INTS10: variants seen among roughly 807,000 people sequenced by gnomAD.
INTS10 encodes the protein integrator complex subunit 10, also known as chromosome 8 open reading frame 35.
Under a neutral mutation model 94.4 loss-of-function variants are expected in INTS10, and 44 were observed. That is an observed-to-expected ratio of 0.47 (90% CI 0.37 to 0.60). The LOEUF (loss-of-function observed/expected upper bound fraction) is 0.60. Among genes scored for constraint, INTS10 ranks in the 20% least tolerant of loss-of-function variants. The pLI is 0.00. For synonymous variants in INTS10, 341 were observed against 320.7 expected, an observed-to-expected ratio of 1.06 and a Z score of -0.68; for missense variants, 797 against 868.7, an observed-to-expected ratio of 0.92 and a Z score of 1.04.
chr8:19,841,999 C>A (rs753852854), intron 13 of INTS10: 2 of 258,268 alleles, frequency 7.7e-6, no homozygotes, highest in Non-Finnish European at 7.8e-6. Flanking sequence ...ATATTTATTT[C>A]TTGCTATCTT....
At chr8:19,848,690 C>G (rs2068773694) in intron 16 of INTS10, 1 of 152,200 alleles carries the variant, frequency 6.6e-6, no homozygotes, top group Admixed American at 6.5e-5. Flanking sequence ...ACCATTTAGT[C>G]CTCTTGGAAG....
In INTS10 at chr8:19,844,725, A is replaced by G. The variant is rs1240331164; in HGVS notation, c.1882+487A>G. Among the ~76,000 whole-genome samples the G allele has an allele frequency of 2.6e-5, 4 of 152,176 alleles. No homozygotes were observed. In the East Asian group the frequency reaches 7.7e-4, roughly 29 times the overall value. On this transcript the variant is annotated intron_variant, in intron 15 of 16. Transcript: ENST00000397977. ...CTGCACAGCACAGTAGCTGCTTCTGACATTAGGTAATGCTGTATTTCACAC... is the reference window on the plus strand; with the variant it reads ...CTGCACAGCACAGTAGCTGCTTCTGGCATTAGGTAATGCTGTATTTCACAC...
chr8:19,841,084 T>C (rs949409650), intron 13 of INTS10, among the ~76,000 whole-genome samples: 1 of 152,132 alleles, frequency 6.6e-6, no homozygotes, highest in South Asian at 2.1e-4. Flanking sequence ...TGGAACAGCA[T>C]AGAAAACTGA....
Position 19,817,525 on chromosome 8 carries a change from G to A in INTS10, c.-13G>A. The A allele has an allele frequency of 6.2e-7, 1 of 1,603,208 alleles. No homozygotes were observed. The highest frequency in any genetic ancestry group is 8.5e-7 in the Non-Finnish European group (1 of 1,176,334). ...CGGCCGCTTCGGGCTGGCGGCTGGAGAGCGCTCGGGTCATGTCTGCCCAGG... is the reference window on the plus strand; with the variant it reads ...CGGCCGCTTCGGGCTGGCGGCTGGAAAGCGCTCGGGTCATGTCTGCCCAGG... On this transcript the variant is annotated 5_prime_UTR_variant, in exon 1 of 17. Coordinates refer to ENST00000397977, the MANE Select transcript of INTS10 (RefSeq NM_018142.4).
intron 9 of INTS10, among the ~76,000 whole-genome samples, chr8:19,828,650 A>T (rs1033031829): frequency 1.3e-5 from 2 of 151,872 alleles, no homozygotes; most frequent in African/African-American, 4.8e-5. Context: ...GTGTTCGTGT[A>T]TGATATTAGG....
chr8:19,829,824 A>G (rs1209219610), intron 9 of INTS10, among the ~76,000 whole-genome samples: 1 of 152,064 alleles, frequency 6.6e-6, no homozygotes, highest in Non-Finnish European at 1.5e-5. Context: ...ACGTGCCACC[A>G]TGCCCGGCTG....
Position 19,817,485 on chromosome 8 carries a change from C to T in INTS10, c.-53C>T. ...GTGGCTGCCGTGGCGGCTGAGAGTCCAGAGCCGGACGTTCCGGCCGCTTCG... is the reference window on the plus strand; with the variant it reads ...GTGGCTGCCGTGGCGGCTGAGAGTCTAGAGCCGGACGTTCCGGCCGCTTCG... On this transcript the variant is annotated 5_prime_UTR_variant, in exon 1 of 17. Transcript: ENST00000397977. 2 of 1,577,448 alleles carry T rather than the reference C, an allele frequency of 1.3e-6. No individual in the cohort carries two copies. The highest frequency in any genetic ancestry group is 1.7e-6 in the Non-Finnish European group (2 of 1,164,982).
intron 7 of INTS10, 109 bp from the exon 8 acceptor site, chr8:19,824,694 C>G: frequency 1.5e-6 from 1 of 677,200 alleles, no homozygotes; most frequent in Non-Finnish European, 2.4e-6. Flanking sequence ...GTTTTACATG[C>G]CTAGGGCAAC....
At chr8:19,845,609 A>C (rs2068511019) in intron 15 of INTS10, 95 bp from the exon 16 acceptor site, 1 of 814,332 alleles carries the variant, frequency 1.2e-6, no homozygotes. Context: ...GTGGGATGGC[A>C]ATGGGCAAGT....
intron 3 of INTS10, 64 bp downstream of exon 3, chr8:19,819,740 C>A (rs1477610201): frequency 3.1e-6 from 4 of 1,278,142 alleles, no homozygotes; most frequent in African/African-American, 3.0e-5. Flanking sequence ...TAATTTCACA[C>A]ACAAAAAAGT....
At chr8:19,844,044 CCTTCTGT>C (rs1351584191) in intron 14 of INTS10, 25 bp from the exon 15 acceptor site, 5 of 1,530,764 alleles carry the variant, frequency 3.3e-6, no homozygotes, top group Non-Finnish European at 4.4e-6. Context: ...ACTTCCTTTT[CCTTCTGT>C]CTTGTATAAA....
At chr8:19,842,472 T>C (rs1213508274) in intron 13 of INTS10, among the ~76,000 whole-genome samples, 3 of 152,232 alleles carry the variant, frequency 2.0e-5, no homozygotes, top group Non-Finnish European at 4.4e-5. Context: ...GGATACACAA[T>C]AGGCTTTAAC....
chr8:19,823,919 T>G lies in INTS10; in HGVS notation c.711T>G (p.Ser237=), dbSNP rs1349883539. 6.2e-7 allele frequency: 1 copy of G among 1,613,142 alleles called. No individual in the cohort carries two copies. Among genetic ancestry groups the G allele is most frequent in the South Asian group, 1.1e-5 (1 of 90,820 alleles). Residue 237 remains serine (S), a synonymous_variant, in exon 7 of 17, where the codon TCT becomes TCG. Transcript: ENST00000397977. The part of the protein sequence containing the change: ...SDLMSPSKRS[S]QKYIIEGLTE... ...TAATGTCACCTAGCAAACGTAGCTC[T>G]CAGAAGTACATAATAGAAGGGCTGA...
intron 12 of INTS10, among the ~76,000 whole-genome samples, chr8:19,834,323 T>C (rs183741825): frequency 1.3e-5 from 2 of 152,336 alleles, no homozygotes; most frequent in Admixed American, 6.5e-5. Flanking sequence ...CTTTGAAATA[T>C]GATTACTAAT....
chr8:19,825,075 TG>T, intron 8 of INTS10, 103 bp downstream of exon 8: 1 of 998,514 alleles, frequency 1.0e-6, no homozygotes. Flanking sequence ...CGAATAACTG[TG>T]GGGCAGTACC....
intron 10 of INTS10, among the ~76,000 whole-genome samples, chr8:19,831,686 CTAAAAA>C (rs949039049): frequency 5.9e-5 from 9 of 151,918 alleles, no homozygotes; most frequent in Admixed American, 2.0e-4. Context: ...GAGAATGTCT[CTAAAAA>C]TAAGATAAAA....
chr8:19,823,768 C>G (rs924385164), intron 6 of INTS10, 105 bp from the exon 7 acceptor site: 53 of 1,031,156 alleles, frequency 5.1e-5, no homozygotes, highest in Non-Finnish European at 7.1e-6. Context: ...TGTTGGAATT[C>G]TGTGCTCTGT....
Position 19,846,153 on chromosome 8 carries a change from G to C in INTS10, c.1976+356G>C, listed in dbSNP as rs1227167904. On this transcript the variant is annotated intron_variant, in intron 16 of 16. Transcript: ENST00000397977. The surrounding 1 kb of genome is among the most constrained non-coding windows in gnomAD (Gnocchi z 4.2). ...GAACAGTTGTGTGGCCAGGCATGGT[G>C]GCTCACGCCTGTAATCTCAACACTT... 6.6e-6 allele frequency among the ~76,000 whole-genome samples: 1 copy of C among 152,040 alleles called. No homozygotes were observed. The highest frequency in any genetic ancestry group is 1.5e-5 in the Non-Finnish European group (1 of 68,028).
intron 9 of INTS10, among the ~76,000 whole-genome samples, chr8:19,829,896 G>A (rs1244512067): frequency 1.3e-5 from 2 of 152,136 alleles, no homozygotes; most frequent in Non-Finnish European, 2.9e-5. Flanking sequence ...TCAAACTCCT[G>A]GCCTTAAGTG....
Sources: allele counts gnomAD v4.1 joint callset (sites outside exome capture counted in the v4.1 genomes callset), GRCh38; gene constraint gnomAD v4.1.1; non-coding constraint Gnocchi (gnomAD v3.1); transcripts MANE v1.5; gene names NCBI Gene and HGNC (gene_info 2026-07-23, HGNC 2026-07-21).